Variants in COL23A1 observed in about 807,000 individuals in gnomAD.
COL23A1 encodes collagen alpha-1(XXIII) chain.
In COL23A1, 97 loss-of-function variants were observed where a neutral mutation model predicts 99.3. The ratio of observed to expected loss-of-function variants is 0.98; its 90% CI spans 0.83 to 1.16. COL23A1 has a LOEUF of 1.16. Ranked by LOEUF, COL23A1 falls within the 50% of genes most tolerant of loss-of-function variation. The pLI is 0.00. For synonymous variants in COL23A1, 320 were observed against 308.2 expected, an observed-to-expected ratio of 1.04 and a Z score of -0.40; for missense variants, 762 against 757.4, an observed-to-expected ratio of 1.01 and a Z score of -0.07.
chr5:178,264,196 G>T (rs543503488), intron 8 of COL23A1, among the ~76,000 whole-genome samples: 1 of 152,124 alleles, frequency 6.6e-6, no homozygotes, highest in Non-Finnish European at 1.5e-5. Flanking sequence ...AAGGTTGGTG[G>T]ATTGTATCAT....
At chr5:178,417,470 A>C (rs541613826) in intron 2 of COL23A1, among the ~76,000 whole-genome samples, 2 of 152,270 alleles carry the variant, frequency 1.3e-5, no homozygotes, top group Middle Eastern at 6.8e-3. Flanking sequence ...CACTGCCCAA[A>C]GGGGGAAATC....
In COL23A1 at chr5:178,237,918, T is replaced by C. The variant is rs1764198772; in HGVS notation, c.*780A>G. 1 of 152,488 alleles carries C rather than the reference T, an allele frequency of 6.6e-6. No individual in the cohort carries two copies. The highest frequency in any genetic ancestry group is 1.5e-5 in the Non-Finnish European group (1 of 68,120). 9.4% of individuals were successfully genotyped at this position (152,488 alleles called of 1,614,324 possible). On this transcript the variant is annotated 3_prime_UTR_variant, in exon 29 of 29. Transcript: ENST00000390654. ...AGGCCTGCCTCCCTGGTCCAGGCCA[T>C]GTCCTATCTTGTCCCTCTCTGGGTG...
chr5:178,446,071 T>A (rs997406200), intron 2 of COL23A1, among the ~76,000 whole-genome samples: 11 of 151,818 alleles, frequency 7.2e-5, no homozygotes, highest in African/African-American at 1.9e-4. Flanking sequence ...AACAAGAAAA[T>A]TTTTTTAATC....
At chr5:178,378,688 C>T (rs112588956) in intron 2 of COL23A1, among the ~76,000 whole-genome samples, 11 of 152,256 alleles carry the variant, frequency 7.2e-5, no homozygotes, top group Non-Finnish European at 1.0e-4. Flanking sequence ...GATGGAGCAG[C>T]GCTGAGTGCC....
chr5:178,329,029 C>T (rs1322728456), intron 2 of COL23A1, among the ~76,000 whole-genome samples: 1 of 152,178 alleles, frequency 6.6e-6, no homozygotes, highest in African/African-American at 2.4e-5. Context: ...TCAGGCTCCC[C>T]AGCCAACGAG....
intron 1 of COL23A1, among the ~76,000 whole-genome samples, chr5:178,568,908 G>C (rs625820): frequency 6.6e-6 from 1 of 152,000 alleles, no homozygotes; most frequent in African/African-American, 2.4e-5. Flanking sequence ...TTTTATTTGA[G>C]TATCTGTTTT....
intron 2 of COL23A1, among the ~76,000 whole-genome samples, chr5:178,443,298 C>T (rs912309475): frequency 3.9e-5 from 6 of 152,182 alleles, no homozygotes; most frequent in African/African-American, 9.7e-5. Context: ...CGGATCCGAA[C>T]GACTTCTACT....
rs1312243521 is a variant in COL23A1, at chr5:178,384,510, A to G, written c.362-77591T>C. Among the ~76,000 whole-genome samples the G allele has an allele frequency of 6.6e-6, 1 of 151,668 alleles. No homozygotes were observed. Among genetic ancestry groups the G allele is most frequent in the Non-Finnish European group, 1.5e-5 (1 of 67,874 alleles). ...AGGCCACGTGGACGGCGCTGAGTGC[A>G]TCCCTCTCCAGCGGCCCACCGGGCA... On this transcript the variant is annotated intron_variant, in intron 2 of 28. Transcript: ENST00000390654. The surrounding 1 kb of genome is among the most constrained non-coding windows in gnomAD (Gnocchi z 5.5).
Position 178,575,765 on chromosome 5 carries a change from G to T in COL23A1, c.294+14139C>A, listed in dbSNP as rs77147458. Among the ~76,000 whole-genome samples, 12 of 152,340 alleles carry T rather than the reference G, an allele frequency of 7.9e-5. No homozygotes were observed. In the East Asian group the frequency reaches 2.1e-3, roughly 27 times the overall value. On this transcript the variant is annotated intron_variant, in intron 1 of 28. Transcript: ENST00000390654. The stretch of plus-strand genomic sequence containing the variant: ...AGTTCCTGGGAAAGGCAAGAAGAGT[G>T]CATGAGCCATTGTGTTGGGGGTGAG...
intron 2 of COL23A1, among the ~76,000 whole-genome samples, chr5:178,482,789 C>G (rs1197583841): frequency 1.3e-5 from 2 of 152,156 alleles, no homozygotes; most frequent in South Asian, 2.1e-4. Flanking sequence ...GTAGTCCCAG[C>G]TATTCAGGAG....
chr5:178,519,519 C>T (rs1759825028), intron 2 of COL23A1, among the ~76,000 whole-genome samples: 2 of 152,224 alleles, frequency 1.3e-5, no homozygotes, highest in Admixed American at 1.3e-4. Context: ...AAACTGGGCC[C>T]TGTGTGGTCT....
intron 5 of COL23A1, among the ~76,000 whole-genome samples, chr5:178,273,237 G>A (rs887522311): frequency 1.3e-5 from 2 of 152,226 alleles, no homozygotes; most frequent in Admixed American, 6.5e-5. Flanking sequence ...ACCCCAGAGG[G>A]AGCATCTCAG....
At chr5:178,267,996 C>T (rs901618224) in intron 7 of COL23A1, among the ~76,000 whole-genome samples, 3 of 152,232 alleles carry the variant, frequency 2.0e-5, no homozygotes, top group Non-Finnish European at 4.4e-5. Context: ...AATGCAAAGC[C>T]GAGCTTCTGA....
chr5:178,570,958 G>A (rs953038570), intron 1 of COL23A1, among the ~76,000 whole-genome samples: 27 of 152,080 alleles, frequency 1.8e-4, no homozygotes, highest in African/African-American at 6.3e-4. Context: ...GTCAGGGAAC[G>A]AACCACCGAA....
At chr5:178,253,671 C>T (rs926493595) in intron 16 of COL23A1, among the ~76,000 whole-genome samples, 2 of 151,590 alleles carry the variant, frequency 1.3e-5, no homozygotes, top group African/African-American at 4.8e-5. Flanking sequence ...TTAGGAGAGA[C>T]GCGGTTTCAC....
At chr5:178,539,481 G>A (rs2113311941) in intron 2 of COL23A1, among the ~76,000 whole-genome samples, 1 of 146,866 alleles carries the variant, frequency 6.8e-6, no homozygotes, top group Non-Finnish European at 1.5e-5. Flanking sequence ...GGGAGGCGGA[G>A]GTTGCAGTGA....
Position 178,366,705 on chromosome 5 carries a change from T to G in COL23A1, c.362-59786A>C, listed in dbSNP as rs193268949. Reference sequence around the variant, plus strand: ...CGCTGCCACGGTGGTGCAGCCACACTGAGCATCCCAAACCTCGCCGGAAGC... The same window carrying G: ...CGCTGCCACGGTGGTGCAGCCACACGGAGCATCCCAAACCTCGCCGGAAGC... On this transcript the variant is annotated intron_variant, in intron 2 of 28. Coordinates refer to ENST00000390654, the MANE Select transcript of COL23A1 (RefSeq NM_173465.4). This position sits in a 1 kb window ranked among gnomAD's most constrained non-coding sequence, Gnocchi z 4.4. 1.1e-3 allele frequency among the ~76,000 whole-genome samples: 175 copies of G among 152,320 alleles called. No individual in the cohort carries two copies. The highest frequency in any genetic ancestry group is 4.0e-3 in the African/African-American group (167 of 41,556).
intron 5 of COL23A1, among the ~76,000 whole-genome samples, chr5:178,285,655 G>A (rs1327990393): frequency 6.6e-6 from 1 of 152,194 alleles, no homozygotes; most frequent in Non-Finnish European, 1.5e-5. Context: ...GATCTCCCCA[G>A]GCCCAAGTAG....
chr5:178,496,979 G>A (rs1308773755), intron 2 of COL23A1, among the ~76,000 whole-genome samples: 2 of 152,172 alleles, frequency 1.3e-5, no homozygotes, highest in Non-Finnish European at 2.9e-5. Flanking sequence ...TCTCTGAGAG[G>A]ATCCTTGTCC....
Sources: allele counts gnomAD v4.1 joint callset (sites outside exome capture counted in the v4.1 genomes callset), GRCh38; gene constraint gnomAD v4.1.1; non-coding constraint Gnocchi (gnomAD v3.1); transcripts MANE v1.5; gene names NCBI Gene and HGNC (gene_info 2026-07-23, HGNC 2026-07-21).